The following PBRM1 variants were observed in gnomAD, a reference collection of about 807,000 sequenced individuals.
PBRM1 encodes the protein protein polybromo-1.
In PBRM1, 27 loss-of-function variants were observed where a neutral mutation model predicts 194.5. That is an observed-to-expected ratio of 0.14 (90% CI 0.10 to 0.19). The LOEUF is 0.19. Ranked by LOEUF, PBRM1 falls within the 10% of genes least tolerant of loss-of-function variation. The pLI is 1.00. For missense variants in PBRM1, 1,466 were observed against 2,077.2 expected (o/e 0.71, Z 5.72); for synonymous variants, 655 against 693.2 (o/e 0.94, Z 0.87).
At chr3:52,556,889 T>C (rs969262610) in intron 26 of PBRM1, among the ~76,000 whole-genome samples, 2 of 151,784 alleles carry the variant, frequency 1.3e-5, no homozygotes, top group Admixed American at 1.3e-4. Flanking sequence ...AGTTCTATAA[T>C]GTTCTTCCCC....
chr3:52,612,905 C>CA (rs576855027), intron 15 of PBRM1, among the ~76,000 whole-genome samples: 7,535 of 85,090 alleles, frequency 0.089, 316 homozygotes, highest in Non-Finnish European at 0.14. Flanking sequence ...GAATCCGTCT[C>CA]AAAAAAAAAA....
At chr3:52,672,031 C>G (rs961050524) in intron 2 of PBRM1, among the ~76,000 whole-genome samples, 4 of 152,186 alleles carry the variant, frequency 2.6e-5, no homozygotes, top group African/African-American at 9.7e-5. Flanking sequence ...TATATTAGTT[C>G]TAGAGGTCAG....
chr3:52,587,529 G>A lies in PBRM1; in HGVS notation c.2966-19C>T, dbSNP rs2153790262. 1 of 1,560,656 alleles carries A rather than the reference G, an allele frequency of 6.4e-7. No homozygotes were observed. Among genetic ancestry groups the A allele is most frequent in the Non-Finnish European group, 8.7e-7 (1 of 1,149,650 alleles). ...TTTTCACCTCAAAAATGGGGGGTGG[G>A]GGAAGGGGAAGAGAAAGAGAATCAT... On this transcript the variant is annotated intron_variant, in intron 18 of 29. Transcript: ENST00000296302.
At chr3:52,618,526 A>G (rs192281304) in intron 13 of PBRM1, among the ~76,000 whole-genome samples, 91 of 152,242 alleles carry the variant, frequency 6.0e-4, no homozygotes, top group Non-Finnish European at 1.2e-4. Flanking sequence ...AATTCTAGTC[A>G]GACTAACCAG....
Position 52,668,407 on chromosome 3 carries a change from T to C in PBRM1, c.384+91A>G, listed in dbSNP as rs919666403. On this transcript the variant is annotated intron_variant, in intron 3 of 29. Coordinates refer to ENST00000296302, the Ensembl canonical transcript of PBRM1. ...AACTCAAGCCACAAAAAGAAACTAC[T>C]ACTCACCTGCCAGGTTTATAAATAT... The C allele has an allele frequency of 3.5e-6, 3 of 853,068 alleles. No individual in the cohort carries two copies. In the Admixed American group the frequency reaches 9.8e-5, roughly 28 times the overall value. The allele number at this position is 853,068 out of a possible 1,614,324, so 52.8% of individuals were successfully genotyped here. A position where few individuals can be genotyped will look rare whatever the true frequency, so the allele number is the denominator to read the frequency against.
At chr3:52,682,489 C>A (rs1275064174), upstream of PBRM1, among the ~76,000 whole-genome samples, 1 of 151,908 alleles carries the variant, frequency 6.6e-6, no homozygotes, top group Non-Finnish European at 1.5e-5. Context: ...GTATGTCGTT[C>A]GGATGACACA....
intron 15 of PBRM1, among the ~76,000 whole-genome samples, chr3:52,610,805 T>C (rs1263330812): frequency 6.6e-6 from 1 of 151,870 alleles, no homozygotes; most frequent in African/African-American, 2.4e-5. Flanking sequence ...CCGAGTGTGG[T>C]GGTGGCGCCT....
chr3:52,679,371 G>A (rs2097165407), intron 1 of PBRM1, among the ~76,000 whole-genome samples: 1 of 152,208 alleles, frequency 6.6e-6, no homozygotes, highest in South Asian at 2.1e-4. Flanking sequence ...AATATATGAT[G>A]TAACATACTG....
chr3:52,629,084 A>C (rs1228233888), intron 11 of PBRM1, 49 bp from the exon 13 acceptor site: 4 of 1,450,888 alleles, frequency 2.8e-6, no homozygotes, highest in South Asian at 2.4e-5. Flanking sequence ...GAAAATTATG[A>C]AACATTCTTC....
At chr3:52,665,949 T>C (rs2096825267) in intron 3 of PBRM1, among the ~76,000 whole-genome samples, 1 of 152,222 alleles carries the variant, frequency 6.6e-6, no homozygotes, top group African/African-American at 2.4e-5. Flanking sequence ...AGATCCTGAT[T>C]AGCTTCTGGC....
At chr3:52,648,174 C>T (rs1378890301) in intron 7 of PBRM1, among the ~76,000 whole-genome samples, 170 bp downstream of exon 8, 5 of 152,154 alleles carry the variant, frequency 3.3e-5, no homozygotes, top group South Asian at 4.2e-4. Context: ...CACAAAGTGC[C>T]GGGATTACAG....
chr3:52,599,018 C>CAAAAAAAAA (rs59170143), intron 17 of PBRM1, among the ~76,000 whole-genome samples: 1 of 114,384 alleles, frequency 8.7e-6, no homozygotes. Context: ...CCAGATATCT[C>CAAAAAAAAA]AAAAAAAAAA....
intron 15 of PBRM1, among the ~76,000 whole-genome samples, chr3:52,614,058 T>C (rs2094804868): frequency 6.6e-6 from 1 of 152,104 alleles, no homozygotes; most frequent in Non-Finnish European, 1.5e-5. Context: ...TCAAATTTAG[T>C]TGATAGTAAT....
chr3:52,634,857 T>G, intron 10 of PBRM1, 42 bp from the exon 12 acceptor site: 1 of 1,349,226 alleles, frequency 7.4e-7, no homozygotes, highest in Non-Finnish European at 1.1e-6. Flanking sequence ...ACGAATGAGA[T>G]GAAGAAAGAA....
chr3:52,661,052 G>A (rs534835522), intron 4 of PBRM1, among the ~76,000 whole-genome samples: 1 of 151,830 alleles, frequency 6.6e-6, no homozygotes, highest in African/African-American at 2.4e-5. Flanking sequence ...TTGAGATGGA[G>A]TCTCATTCTG....
chr3:52,581,680 C>T (rs2091250443), intron 20 of PBRM1, among the ~76,000 whole-genome samples: 4 of 151,520 alleles, frequency 2.6e-5, no homozygotes, highest in Admixed American at 2.6e-4. Context: ...CCTCTGTCTC[C>T]AGGCTGGAGT....
At chr3:52,641,782 G>C (rs1294862558) in intron 10 of PBRM1, among the ~76,000 whole-genome samples, 172 bp downstream of exon 11, 4 of 152,096 alleles carry the variant, frequency 2.6e-5, no homozygotes, top group African/African-American at 9.7e-5. Context: ...TTTAAGACAA[G>C]ATAAAGCATT....
At chr3:52,651,862 GAA>G in intron 5 of PBRM1, 52 bp from the exon 7 acceptor site, 4 of 1,160,486 alleles carry the variant, frequency 3.4e-6, no homozygotes, top group Non-Finnish European at 3.8e-6. Flanking sequence ...TTCAGCTAAT[GAA>G]AAGAGAAGGA....
At chr3:52,587,634 T>C in intron 18 of PBRM1, 124 bp from the exon 21 acceptor site, 1 of 730,352 alleles carries the variant, frequency 1.4e-6, no homozygotes, top group Non-Finnish European at 2.1e-6. Context: ...GGACTTGAAT[T>C]CCTGGGCCAA....
Sources: gnomAD v4.1 joint callset for allele counts (sites outside exome capture counted in the v4.1 genomes callset) on GRCh38, gnomAD v4.1.1 for gene constraint, MANE v1.5 for transcripts, NCBI Gene and HGNC (gene_info 2026-07-23, HGNC 2026-07-21) for gene names.